The following VWC2L variants were observed in gnomAD, a reference collection of about 807,000 sequenced individuals.
VWC2L encodes von Willebrand factor C domain-containing protein 2-like.
In VWC2L, 10 loss-of-function variants were observed where a neutral mutation model predicts 21.6. That is an observed-to-expected ratio of 0.46 (90% CI 0.29 to 0.78). The LOEUF (loss-of-function observed/expected upper bound fraction) is 0.78. VWC2L is among the 30% of genes least tolerant of loss of function. VWC2L has a pLI of 0.10. For synonymous variants in VWC2L, 96 were observed against 94.3 expected (o/e 1.02, Z -0.10); for missense variants, 209 against 277.1 (o/e 0.75, Z 1.74).
At chr2:214,473,897 G>T (rs753676413) in intron 3 of VWC2L, 5 of 151,976 alleles carry the variant, frequency 3.3e-5, no homozygotes, top group Non-Finnish European at 5.9e-5. Flanking sequence ...TGTGTCTATG[G>T]ACATATGCAA....
chr2:214,489,562 G>T (rs1258051910), intron 3 of VWC2L, among the ~76,000 whole-genome samples: 1 of 152,182 alleles, frequency 6.6e-6, no homozygotes, highest in Non-Finnish European at 1.5e-5. Flanking sequence ...ATTACAGAAA[G>T]CAGAGCAGTC....
At chr2:214,533,238 C>T (rs1185462255) in intron 3 of VWC2L, among the ~76,000 whole-genome samples, 3 of 151,898 alleles carry the variant, frequency 2.0e-5, no homozygotes, top group African/African-American at 4.8e-5. Flanking sequence ...TAATTACATA[C>T]GTATATGTAT....
chr2:214,459,699 TCTTC>T (rs1325818595), intron 3 of VWC2L, among the ~76,000 whole-genome samples: 1 of 152,128 alleles, frequency 6.6e-6, no homozygotes, highest in African/African-American at 2.4e-5. Context: ...AAAAGACTGG[TCTTC>T]CTTCATTTAT....
At chr2:214,417,817 T>C (rs1363474415) in intron 2 of VWC2L, among the ~76,000 whole-genome samples, 1 of 152,184 alleles carries the variant, frequency 6.6e-6, no homozygotes, top group African/African-American at 2.4e-5. Flanking sequence ...ATGAATGTCC[T>C]ATATCCAAGC....
intron 3 of VWC2L, among the ~76,000 whole-genome samples, chr2:214,496,511 A>AT (rs1340961749): frequency 6.6e-6 from 1 of 152,082 alleles, no homozygotes; most frequent in Non-Finnish European, 1.5e-5. Context: ...CAGAACATTG[A>AT]TAGACCTCCT....
intron 3 of VWC2L, among the ~76,000 whole-genome samples, chr2:214,547,652 C>A (rs1457897525): frequency 2.0e-5 from 3 of 152,270 alleles, no homozygotes; most frequent in East Asian, 1.9e-4. Context: ...GAAATTATAT[C>A]TAGCTTTCTC....
At chr2:214,538,454 C>T (rs894593097) in intron 3 of VWC2L, among the ~76,000 whole-genome samples, 1 of 151,996 alleles carries the variant, frequency 6.6e-6, no homozygotes, top group Non-Finnish European at 1.5e-5. Flanking sequence ...GAGCAAGTAA[C>T]TTCGTGGCTT....
chr2:214,482,536 TACACAC>T (rs58784551), intron 3 of VWC2L, among the ~76,000 whole-genome samples: 1 of 148,674 alleles, frequency 6.7e-6, no homozygotes, highest in African/African-American at 2.5e-5. Flanking sequence ...TCTATATATA[TACACAC>T]ACACACACAC....
intron 2 of VWC2L, among the ~76,000 whole-genome samples, chr2:214,425,690 C>A (rs1167989575): frequency 6.6e-6 from 1 of 152,134 alleles, no homozygotes; most frequent in Non-Finnish European, 1.5e-5. Flanking sequence ...CTTACATACA[C>A]AATCCACAGT....
At chr2:214,556,360 A>G (rs991356862) in intron 3 of VWC2L, among the ~76,000 whole-genome samples, 3 of 152,216 alleles carry the variant, frequency 2.0e-5, no homozygotes, top group Non-Finnish European at 4.4e-5. Flanking sequence ...ATGGACTTCA[A>G]GGAGAAAAAC....
In VWC2L at chr2:214,498,903, A is replaced by G. The variant is rs57778986; in HGVS notation, c.520+62145A>G. Among the ~76,000 whole-genome samples, 560 of 151,626 alleles carry G rather than the reference A, an allele frequency of 3.7e-3. 6 individuals are homozygous for G. Among genetic ancestry groups the G allele is most frequent in the African/African-American group, 0.013 (547 of 41,390 alleles). On this transcript the variant is annotated intron_variant, in intron 3 of 3. Transcript: ENST00000312504. ...TTATTCATTTTATTATCAAGAAGAC[A>G]TAGAGCATATCAGCCTAAGAAAAAT...
intron 3 of VWC2L, among the ~76,000 whole-genome samples, chr2:214,488,899 C>T (rs116312434): frequency 0.029 from 4,488 of 152,288 alleles, 102 homozygotes; most frequent in South Asian, 0.09. Context: ...AACTCACTCA[C>T]TGCCACCCTC....
chr2:214,473,497 T>A (rs1344114938), intron 3 of VWC2L, among the ~76,000 whole-genome samples: 1 of 152,164 alleles, frequency 6.6e-6, no homozygotes, highest in Non-Finnish European at 1.5e-5. Flanking sequence ...TTCTTACTCA[T>A]CAAGCCTAAG....
At chr2:214,487,027 C>T (rs1277754546) in intron 3 of VWC2L, among the ~76,000 whole-genome samples, 2 of 152,168 alleles carry the variant, frequency 1.3e-5, no homozygotes, top group African/African-American at 2.4e-5. Context: ...ACTAATAGGA[C>T]TGGTGTCCCT....
chr2:214,495,269 C>T (rs935269150), intron 3 of VWC2L, among the ~76,000 whole-genome samples: 5 of 152,080 alleles, frequency 3.3e-5, no homozygotes, highest in African/African-American at 1.2e-4. Context: ...TTCGTTACTG[C>T]CTTTTTGTTT....
At chr2:214,518,343 G>A (rs1329269228) in intron 3 of VWC2L, among the ~76,000 whole-genome samples, 2 of 152,154 alleles carry the variant, frequency 1.3e-5, no homozygotes, top group African/African-American at 4.8e-5. Context: ...TTCCTTGGAG[G>A]ATTAATTTAG....
chr2:214,575,988 T>C lies in VWC2L; in HGVS notation c.*168T>C, dbSNP rs1275473380. 6.1e-6 allele frequency: 4 copies of C among 656,992 alleles called. No individual in the cohort carries two copies. The highest frequency in any genetic ancestry group is 2.9e-5 in the East Asian group (1 of 34,014). The allele number at this position is 656,992 out of a possible 1,614,324, so 40.7% of individuals were successfully genotyped here. A position where few individuals can be genotyped will look rare whatever the true frequency, so the allele number is the denominator to read the frequency against. The stretch of plus-strand genomic sequence containing the variant: ...GAATATTTTCCTAAGAGGAAATTTC[T>C]TTCTCTCTTGCTATATAAAATATAT... On this transcript the variant is annotated 3_prime_UTR_variant, in exon 4 of 4. Transcript: ENST00000312504.
At chr2:214,546,951 CCTT>C (rs1368518536) in intron 3 of VWC2L, among the ~76,000 whole-genome samples, 1 of 152,170 alleles carries the variant, frequency 6.6e-6, no homozygotes, top group African/African-American at 2.4e-5. Context: ...CTTACTGACT[CCTT>C]CTATGCCACG....
At chr2:214,437,593 G>T (rs1328391662) in intron 3 of VWC2L, among the ~76,000 whole-genome samples, 2 of 152,126 alleles carry the variant, frequency 1.3e-5, no homozygotes, top group African/African-American at 2.4e-5. Flanking sequence ...GGAAAAAGTG[G>T]TTCTAGCCCC....
Sources: gnomAD v4.1 joint callset for allele counts (sites outside exome capture counted in the v4.1 genomes callset) on GRCh38, gnomAD v4.1.1 for gene constraint, MANE v1.5 for transcripts, NCBI Gene and HGNC (gene_info 2026-07-23, HGNC 2026-07-21) for gene names.